TMOD2: variants seen among roughly 807,000 people sequenced by gnomAD.
The protein encoded by TMOD2 is tropomodulin 2.
A neutral mutation model predicts 39.9 loss-of-function variants in TMOD2; 22 were observed. The observed-to-expected ratio is 0.55, with a 90% CI of 0.39 to 0.79. The LOEUF is 0.79. Among genes scored for constraint, TMOD2 ranks in the 30% least tolerant of loss-of-function variants. TMOD2 has a pLI of 0.00. For missense variants in TMOD2, 386 were observed against 413.3 expected (o/e 0.93, Z 0.57); for synonymous variants, 123 against 146.1 (o/e 0.84, Z 1.14).
chr15:51,771,529 G>T (rs910798763), intron 3 of TMOD2, among the ~76,000 whole-genome samples: 1 of 152,244 alleles, frequency 6.6e-6, no homozygotes, highest in Middle Eastern at 3.4e-3. Context: ...CCTATATTAG[G>T]TTGGGCATGC....
chr15:51,758,208 A>C (rs59946322), intron 1 of TMOD2, among the ~76,000 whole-genome samples: 2,239 of 152,190 alleles, frequency 0.015, 55 homozygotes, highest in African/African-American at 0.052. Context: ...TTGACACAAC[A>C]TAGGCAATTT....
rs1263709622 is a variant in TMOD2 at position 51,781,169 on chromosome 15, A to C, written c.619A>C (p.Ile207Leu). 1 of 1,602,412 alleles carries C rather than the reference A, an allele frequency of 6.2e-7. No individual in the cohort carries two copies. The change falls in exon 6 of 10, where the codon ATT becomes CTT. Residue 207 changes from isoleucine to leucine, a missense_variant. Transcript: ENST00000249700. Reference protein sequence around the residue: ...PSLQEVNLNNIKNIPIPTLRE... With the variant: ...PSLQEVNLNNLKNIPIPTLRE... ...CTTGCAAGAAGTCAACCTCAACAAC[A>C]TTAAGGTATTTCATTGTGATTATCA...
chr15:51,770,403 A>G (rs1392786206), intron 3 of TMOD2, among the ~76,000 whole-genome samples: 1 of 152,132 alleles, frequency 6.6e-6, no homozygotes, highest in Non-Finnish European at 1.5e-5. Context: ...TGGTTTTTGC[A>G]TGTTTTCATG....
chr15:51,765,734 G>A (rs1003256903), intron 1 of TMOD2, among the ~76,000 whole-genome samples: 3 of 152,062 alleles, frequency 2.0e-5, no homozygotes, highest in African/African-American at 4.8e-5. Context: ...AAAGGAAATG[G>A]GACTAGAAAT....
rs371235651 is a variant in TMOD2, at chr15:51,782,730, A to T, written c.634A>T (p.Ile212Phe). The T allele has an allele frequency of 6.2e-7, 1 of 1,613,794 alleles. No homozygotes were observed. Among genetic ancestry groups the T allele is most frequent in the African/African-American group, 1.3e-5 (1 of 74,934 alleles). ...GTCCTCTCTGTCTTAGAACATTCCAATTCCAACCCTGAGGGAATTTGCAAA... is the reference window on the plus strand; with the variant it reads ...GTCCTCTCTGTCTTAGAACATTCCATTTCCAACCCTGAGGGAATTTGCAAA... Reference protein sequence around the residue: ...VNLNNIKNIPIPTLREFAKAL... With the variant: ...VNLNNIKNIPFPTLREFAKAL... Residue 212 changes from isoleucine (I) to phenylalanine (F), a missense_variant, in exon 7 of 10, where the codon ATT becomes TTT. Coordinates refer to ENST00000249700, the MANE Select transcript of TMOD2 (RefSeq NM_014548.4).
intron 1 of TMOD2, chr15:51,752,918 G>A (rs2606133): frequency 0.33 from 49,769 of 151,964 alleles, 8,975 homozygotes; most frequent in Non-Finnish European, 0.4. Flanking sequence ...GTACATTGGT[G>A]GGCAACAAAA....
In TMOD2 at chr15:51,796,470, T is replaced by C. The variant is rs1045583503; in HGVS notation, c.733-1727T>C. 4.6e-5 allele frequency among the ~76,000 whole-genome samples: 7 copies of C among 152,120 alleles called. 1 individual carries two copies. The highest frequency in any genetic ancestry group is 2.6e-4 in the Admixed American group (4 of 15,280). On this transcript the variant is annotated intron_variant, in intron 7 of 9. Transcript: ENST00000249700. ...GAGAGTCCCCTGCAATCGCTACAGT[T>C]AGGAGGACTTCATTCTGGGAGGGGC... is the stretch of plus-strand genomic sequence containing the variant.
intron 1 of TMOD2, among the ~76,000 whole-genome samples, chr15:51,763,916 A>G (rs944722762): frequency 2.0e-5 from 3 of 152,144 alleles, no homozygotes; most frequent in African/African-American, 7.2e-5. Flanking sequence ...GGGTGCTTCA[A>G]CCAATTCATT....
intron 2 of TMOD2, chr15:51,766,867 C>T (rs940552562): frequency 4.0e-5 from 8 of 201,952 alleles, no homozygotes; most frequent in Non-Finnish European, 8.0e-5. Context: ...GAAAAGAGAG[C>T]AAATCTTACT....
intron 4 of TMOD2, among the ~76,000 whole-genome samples, chr15:51,774,446 C>A (rs969439048): frequency 6.6e-6 from 1 of 152,188 alleles, no homozygotes; most frequent in Non-Finnish European, 1.5e-5. Flanking sequence ...TATATTAGAT[C>A]TTCCTTCTAC....
At chr15:51,779,298 G>C (rs1005019625) in intron 5 of TMOD2, among the ~76,000 whole-genome samples, 2 of 152,066 alleles carry the variant, frequency 1.3e-5, no homozygotes, top group African/African-American at 4.8e-5. Flanking sequence ...ACGTTTATAC[G>C]TACACATACA....
chr15:51,785,299 C>T (rs2055961016), intron 7 of TMOD2, among the ~76,000 whole-genome samples: 1 of 151,262 alleles, frequency 6.6e-6, no homozygotes, highest in African/African-American at 2.4e-5. Context: ...GTAGTCCCAG[C>T]TACTCGGGAG....
chr15:51,804,128 C>A (rs191245809), intron 8 of TMOD2, among the ~76,000 whole-genome samples: 2 of 152,298 alleles, frequency 1.3e-5, no homozygotes, highest in African/African-American at 4.8e-5. Context: ...TGCAGAAATG[C>A]CCCAAGATGC....
chr15:51,782,662 C>A lies in TMOD2; in HGVS notation c.625-59C>A, dbSNP rs2055938757. ...GGTATTTAAAGGTTGTGGGTTCTTA[C>A]CTTGGCAAGAGTGTGCCATACAATG... On this transcript the variant is annotated intron_variant, in intron 6 of 9. Coordinates refer to ENST00000249700, the MANE Select transcript of TMOD2 (RefSeq NM_014548.4). 2.2e-6 allele frequency: 3 copies of A among 1,348,218 alleles called. No homozygotes were observed. The East Asian group carries it at 6.9e-5, about 31-fold the overall frequency. The allele number at this position is 1,348,218 out of a possible 1,614,324, so 83.5% of individuals were successfully genotyped here.
At position 51,813,910 on chromosome 15, in the gene TMOD2, C is replaced by A. The variant is rs2056173002; in HGVS notation, c.*5456C>A. On this transcript the variant is annotated 3_prime_UTR_variant, in exon 10 of 10. Coordinates refer to ENST00000249700, the MANE Select transcript of TMOD2 (RefSeq NM_014548.4). ...CCTCTTGAATCGGCTTTATTCTAAC[C>A]AACCATTACATCTTTCTCATCTTTT... 6.6e-6 allele frequency: 1 copy of A among 152,162 alleles called. No individual in the cohort carries two copies. The highest frequency in any genetic ancestry group is 6.5e-5 in the Admixed American group (1 of 15,282). The allele number at this position is 152,162 out of a possible 1,614,324, so 9.4% of individuals were successfully genotyped here.
chr15:51,774,361 C>A (rs919895583), intron 4 of TMOD2, among the ~76,000 whole-genome samples: 2 of 152,170 alleles, frequency 1.3e-5, no homozygotes, highest in African/African-American at 4.8e-5. Flanking sequence ...AGTCTCTCGA[C>A]CTGAATTACC....
At chr15:51,758,588 G>GAGTC (rs2055758677) in intron 1 of TMOD2, among the ~76,000 whole-genome samples, 1 of 152,180 alleles carries the variant, frequency 6.6e-6, no homozygotes, top group Admixed American at 6.5e-5. Flanking sequence ...ACTGTGCTGG[G>GAGTC]AGTCAGGATT....
At chr15:51,757,890 C>T (rs945328281) in intron 1 of TMOD2, among the ~76,000 whole-genome samples, 1 of 152,102 alleles carries the variant, frequency 6.6e-6, no homozygotes, top group African/African-American at 2.4e-5. Flanking sequence ...TGTAGCGAGA[C>T]CCTGTCTCTA....
chr15:51,796,581 T>C (rs1306494566), intron 7 of TMOD2, among the ~76,000 whole-genome samples: 2 of 152,238 alleles, frequency 1.3e-5, no homozygotes, highest in African/African-American at 4.8e-5. Flanking sequence ...CGATATGTGC[T>C]ATGTCTTTTC....
Sources: gnomAD v4.1 joint callset for allele counts (sites outside exome capture counted in the v4.1 genomes callset) on GRCh38, gnomAD v4.1.1 for gene constraint, MANE v1.5 for transcripts, NCBI Gene and HGNC (gene_info 2026-07-23, HGNC 2026-07-21) for gene names.